MCF2L: variants seen among roughly 807,000 people sequenced by gnomAD.
The protein encoded by MCF2L is guanine nucleotide exchange factor DBS.
A neutral mutation model predicts 153.4 loss-of-function variants in MCF2L; 97 were observed. That is an observed-to-expected ratio of 0.63 (90% confidence interval 0.54 to 0.75). The LOEUF (loss-of-function observed/expected upper bound fraction) is 0.75, where lower values mean the gene tolerates loss of function less well. MCF2L is among the 30% of genes least tolerant of loss of function. The pLI is 0.00. For missense variants in MCF2L, 1,347 were observed against 1,495.2 expected, an observed-to-expected ratio of 0.90 and a Z score of 1.64; for synonymous variants, 659 against 632.2, an observed-to-expected ratio of 1.04 and a Z score of -0.64.
chr13:112,900,680 G>A (rs1275926376), intron 1 of MCF2L, among the ~76,000 whole-genome samples: 1 of 152,172 alleles, frequency 6.6e-6, no homozygotes, highest in South Asian at 2.1e-4. Context: ...GAGGGGCATG[G>A]GTGTGGCCCT....
Position 113,096,383 on chromosome 13 carries a change from T to A in MCF2L, c.3088T>A (p.Tyr1030Asn). 1.3e-6 allele frequency: 2 copies of A among 1,581,618 alleles called. No homozygotes were observed. Reference protein sequence around the residue: ...LGPKKLVPGKYTVVADHEKGG... With the variant: ...LGPKKLVPGKNTVVADHEKGG... ...CGTCTCCCACCAGGTTCCAGGTAAA[T>A]ACACGGTCGTGGCGGACCACGAGAA... is the stretch of plus-strand genomic sequence containing the variant. The change falls in exon 28 of 30, where the codon TAC becomes AAC. Residue 1030 changes from tyrosine (Y) to asparagine (N), a missense_variant. Physicochemically the swap from Tyr to Asn is moderately radical, Grantham distance 143 (BLOSUM62 -2). Transcript: ENST00000535094.
chr13:112,909,511 G>A (rs1401352179), intron 2 of MCF2L: 6 of 511,276 alleles, frequency 1.2e-5, no homozygotes, highest in Admixed American at 3.2e-5. Context: ...CAGAGGGTGC[G>A]CAGCCAGCGG....
chr13:112,967,529 C>T (rs1357429265), upstream of MCF2L: 1 of 152,240 alleles, frequency 6.6e-6, no homozygotes, highest in Non-Finnish European at 1.5e-5. Flanking sequence ...GTTATTATGC[C>T]TCTTATTCTG....
intron 1 of MCF2L, among the ~76,000 whole-genome samples, chr13:112,899,236 T>TGC: frequency 6.6e-6 from 1 of 152,336 alleles, no homozygotes; most frequent in Non-Finnish European, 1.5e-5. Context: ...TGTGTGTGTG[T>TGC]GTGCGAGGCG....
intron 1 of MCF2L, among the ~76,000 whole-genome samples, chr13:112,897,209 G>T (rs7989660): frequency 0.9 from 136,703 of 152,154 alleles, 62,606 homozygotes; most frequent in East Asian, 1. Context: ...CGCTCCTGGC[G>T]TCCTAAAGTG....
chr13:112,978,402 C>T (rs186887231), intron 1 of MCF2L, among the ~76,000 whole-genome samples: 1 of 152,322 alleles, frequency 6.6e-6, no homozygotes, highest in East Asian at 1.9e-4. Flanking sequence ...GTATGTGGAG[C>T]TCTGTCTTTC....
At position 113,011,310 on chromosome 13, in the gene MCF2L, A is replaced by G. The variant is rs113343325; in HGVS notation, c.80-3453A>G. Among the ~76,000 whole-genome samples, 306 of 152,334 alleles carry G rather than the reference A, an allele frequency of 2.0e-3. 2 individuals carry two copies. The highest frequency in any genetic ancestry group is 6.8e-3 in the African/African-American group (282 of 41,582). ...GGGGATCCCTGCTTTTCATACCCAAAATGAGGCATTTGATCTGAGGGACAA... is the reference window on the plus strand; with the variant it reads ...GGGGATCCCTGCTTTTCATACCCAAGATGAGGCATTTGATCTGAGGGACAA... On this transcript the variant is annotated intron_variant, in intron 1 of 29. Transcript: ENST00000535094.
At chr13:113,062,140 G>C (rs1057499705) in intron 5 of MCF2L, among the ~76,000 whole-genome samples, 1 of 151,676 alleles carries the variant, frequency 6.6e-6, no homozygotes, top group Admixed American at 6.6e-5. Flanking sequence ...TGTAGCCTTG[G>C]AGAAGCCTTA....
chr13:113,030,369 G>GC (rs535527560), intron 3 of MCF2L, among the ~76,000 whole-genome samples: 175 of 141,284 alleles, frequency 1.2e-3, no homozygotes, highest in African/African-American at 4.6e-3. Context: ...GTCCGCTGAC[G>GC]CAGGTGTGGG....
At chr13:112,924,115 G>C (rs1271291284) in intron 2 of MCF2L, among the ~76,000 whole-genome samples, 2 of 151,934 alleles carry the variant, frequency 1.3e-5, no homozygotes, top group Non-Finnish European at 2.9e-5. Flanking sequence ...TCTGTAACAT[G>C]ACCTAAAAAT....
At chr13:112,991,196 G>C (rs938525640) in intron 1 of MCF2L, among the ~76,000 whole-genome samples, 1 of 152,164 alleles carries the variant, frequency 6.6e-6, no homozygotes, top group Non-Finnish European at 1.5e-5. Context: ...AAATCCGGCC[G>C]CCTGCCACCT....
rs139941816 is a variant in MCF2L, at chr13:112,962,330, C to G, written c.170-52433C>G. Among the ~76,000 whole-genome samples the G allele has an allele frequency of 2.6e-5, 4 of 152,348 alleles. No homozygotes were observed. The East Asian group carries it at 5.8e-4, about 22-fold the overall frequency. On this transcript the variant is annotated intron_variant, in intron 2 of 29. Transcript: ENST00000375608. ...AGGCACATGCACATACACATACACA[C>G]CTGCACACACACATACAAACACACA...
chr13:112,934,067 T>C (rs2081489970), intron 2 of MCF2L, among the ~76,000 whole-genome samples: 1 of 152,264 alleles, frequency 6.6e-6, no homozygotes, highest in Non-Finnish European at 1.5e-5. Context: ...TTCCTGGCTT[T>C]AAAGGTATAA....
chr13:112,974,263 G>A (rs1035621166), intron 1 of MCF2L, among the ~76,000 whole-genome samples: 2 of 152,140 alleles, frequency 1.3e-5, no homozygotes, highest in African/African-American at 2.4e-5. Context: ...AAAGGCACCC[G>A]GGCATGGCTA....
chr13:112,976,715 A>C (rs548355118), intron 1 of MCF2L, among the ~76,000 whole-genome samples: 53 of 152,264 alleles, frequency 3.5e-4, no homozygotes, highest in Non-Finnish European at 5.9e-5. Flanking sequence ...GGACTGAAGG[A>C]GAGGAGGGGC....
intron 2 of MCF2L, among the ~76,000 whole-genome samples, chr13:113,020,270 G>C (rs1211314837): frequency 6.6e-6 from 1 of 152,198 alleles, no homozygotes; most frequent in East Asian, 1.9e-4. Context: ...GCCGTGTTTG[G>C]GCCGAGGCAT....
intron 2 of MCF2L, among the ~76,000 whole-genome samples, chr13:112,938,662 C>T (rs1397246762): frequency 1.3e-5 from 2 of 152,034 alleles, no homozygotes; most frequent in Non-Finnish European, 1.5e-5. Context: ...CATTTTTGGC[C>T]TCAGTTTTAT....
chr13:112,974,442 C>G (rs1425340808), intron 1 of MCF2L, among the ~76,000 whole-genome samples: 2 of 152,182 alleles, frequency 1.3e-5, no homozygotes, highest in Non-Finnish European at 2.9e-5. Context: ...CTTTTGCACC[C>G]CTGGCATGCT....
rs138484551 is a variant in MCF2L at position 113,078,677 on chromosome 13, T to C, written c.1746T>C (p.Ser582=). 294 of 1,611,966 alleles carry C rather than the reference T, an allele frequency of 1.8e-4. No homozygotes were observed. In the African/African-American group the frequency reaches 3.6e-3, roughly 20 times the overall value. Residue 582 remains serine (S), a synonymous_variant, in exon 15 of 30, where the codon AGT becomes AGC. Coordinates refer to ENST00000535094, the MANE Select transcript of MCF2L (RefSeq NM_001112732.3). ...GPYRRAKSEM[S]ESRQGRGSAG... Reference sequence around the variant, plus strand: ...GTTTTTCTCCCCAGAGTGAGATGAGTGAGAGCCGGCAGGGCCGCGGCTCAG... The same window carrying C: ...GTTTTTCTCCCCAGAGTGAGATGAGCGAGAGCCGGCAGGGCCGCGGCTCAG...
Sources: allele counts gnomAD v4.1 joint callset (sites outside exome capture counted in the v4.1 genomes callset), GRCh38; gene constraint gnomAD v4.1.1; transcripts MANE v1.5; gene names NCBI Gene and HGNC (gene_info 2026-07-23, HGNC 2026-07-21).